Variants in PDE4D observed in about 807,000 individuals in gnomAD.
PDE4D encodes the protein 3',5'-cyclic-AMP phosphodiesterase 4D.
PDE4D carries 24 observed loss-of-function variants against 87.4 expected under a neutral mutation model. The ratio of observed to expected loss-of-function variants is 0.27; its 90% CI spans 0.20 to 0.39. The LOEUF (loss-of-function observed/expected upper bound fraction) is 0.39, where lower values mean the gene tolerates loss of function less well. Among genes scored for constraint, PDE4D ranks in the 10% least tolerant of loss-of-function variants. The pLI is 1.00. For synonymous variants in PDE4D, 384 were observed against 383.2 expected (o/e 1.00, Z -0.02); for missense variants, 714 against 1,041.0 (o/e 0.69, Z 4.32).
At chr5:59,129,542 T>C (rs1775972621) in intron 5 of PDE4D, among the ~76,000 whole-genome samples, 1 of 152,236 alleles carries the variant, frequency 6.6e-6, no homozygotes, top group Admixed American at 6.5e-5. Flanking sequence ...GTTTGTAACA[T>C]TGCTTGCTAA....
intron 1 of PDE4D, among the ~76,000 whole-genome samples, chr5:59,642,539 C>T (rs1741769240): frequency 6.6e-6 from 1 of 152,178 alleles, no homozygotes; most frequent in African/African-American, 2.4e-5. Flanking sequence ...CTCACAAGAT[C>T]TGATGGTTTT....
At chr5:59,367,427 A>T (rs1783240921) in intron 1 of PDE4D, among the ~76,000 whole-genome samples, 1 of 152,228 alleles carries the variant, frequency 6.6e-6, no homozygotes, top group Admixed American at 6.5e-5. Flanking sequence ...CAATAAATAA[A>T]GATGACTTTT....
chr5:60,460,480 A>C, intron 1 of PDE4D: 1 of 1,532,974 alleles, frequency 6.5e-7, no homozygotes, highest in East Asian at 2.3e-5. Context: ...TTTGGCGATC[A>C]ATTCTGACAT....
chr5:59,274,710 G>A (rs537246791), intron 1 of PDE4D, among the ~76,000 whole-genome samples: 2 of 152,080 alleles, frequency 1.3e-5, no homozygotes, highest in South Asian at 4.1e-4. Context: ...AATCACCATT[G>A]GGGAAATAAT....
At position 59,893,374 on chromosome 5, in the gene PDE4D, C is replaced by T; in HGVS notation, c.249G>A (p.Pro83=). Reference sequence around the variant, plus strand: ...GGGCAGCCCCGGGCGGCGGCGGGGGCGGCGGCAGGGGGGGCGGCGGCGGCG... The same window carrying T: ...GGGCAGCCCCGGGCGGCGGCGGGGGTGGCGGCAGGGGGGGCGGCGGCGGCG... ...LQPPPPPPLP[P]PPPPPGAARG... is the part of the protein sequence containing the mutation. The change falls in exon 1 of 15, where the codon CCG becomes CCA. Residue 83 remains proline (P), a synonymous_variant. Transcript: ENST00000340635. 1 of 1,244,676 alleles carries T rather than the reference C, an allele frequency of 8.0e-7. No individual in the cohort carries two copies. Among genetic ancestry groups the T allele is most frequent in the Non-Finnish European group, 1.0e-6 (1 of 995,846 alleles). The allele number at this position is 1,244,676 out of a possible 1,614,324, so 77.1% of individuals were successfully genotyped here.
At chr5:59,441,642 C>T (rs1194528372) in intron 1 of PDE4D, among the ~76,000 whole-genome samples, 1 of 152,186 alleles carries the variant, frequency 6.6e-6, no homozygotes, top group Non-Finnish European at 1.5e-5. Flanking sequence ...CACAGAATGT[C>T]AGTCAGCTTA....
At chr5:59,010,591 C>G (rs149895107) in intron 6 of PDE4D, among the ~76,000 whole-genome samples, 397 of 152,072 alleles carry the variant, frequency 2.6e-3, no homozygotes, top group African/African-American at 8.7e-3. Context: ...CATCGAATAG[C>G]GAATGAGTAT....
At chr5:60,265,761 G>T (rs574187770) in intron 1 of PDE4D, among the ~76,000 whole-genome samples, 1 of 152,184 alleles carries the variant, frequency 6.6e-6, no homozygotes, top group African/African-American at 2.4e-5. Context: ...TTAACACCTT[G>T]CTCCTTCAAA....
At chr5:59,250,901 G>A (rs373876094) in intron 1 of PDE4D, among the ~76,000 whole-genome samples, 19 of 152,112 alleles carry the variant, frequency 1.2e-4, no homozygotes, top group African/African-American at 2.9e-4. Flanking sequence ...TCTGATCTTC[G>A]ACAAAGCTAA....
intron 2 of PDE4D, among the ~76,000 whole-genome samples, chr5:59,207,658 G>A (rs1749103017): frequency 1.3e-5 from 2 of 151,194 alleles, no homozygotes; most frequent in Non-Finnish European, 1.5e-5. Flanking sequence ...TCATAGGATT[G>A]TGGAATAATT....
At chr5:59,749,134 T>C (rs879818026) in intron 1 of PDE4D, among the ~76,000 whole-genome samples, 21 of 152,254 alleles carry the variant, frequency 1.4e-4, no homozygotes, top group Admixed American at 7.9e-4. Flanking sequence ...TCATCACTAC[T>C]CTACTGATCG....
chr5:59,182,254 AT>A (rs3061467), intron 4 of PDE4D, among the ~76,000 whole-genome samples: 53,653 of 147,726 alleles, frequency 0.36, 10,017 homozygotes, highest in Admixed American at 0.43. Context: ...TTCTTCTTAA[AT>A]TTTTTTTTTT....
At chr5:59,526,194 T>C (rs1813094868) in intron 1 of PDE4D, among the ~76,000 whole-genome samples, 3 of 151,968 alleles carry the variant, frequency 2.0e-5, no homozygotes. Context: ...CCACAGAGCT[T>C]AGAAAAAGTA....
intron 1 of PDE4D, among the ~76,000 whole-genome samples, chr5:60,189,608 G>T (rs146747860): frequency 6.6e-6 from 1 of 152,146 alleles, no homozygotes; most frequent in Non-Finnish European, 1.5e-5. Flanking sequence ...AGTGAAAAGG[G>T]ATTCCAATCA....
At chr5:59,784,927 C>G (rs1765011133) in intron 1 of PDE4D, among the ~76,000 whole-genome samples, 1 of 152,170 alleles carries the variant, frequency 6.6e-6, no homozygotes, top group Admixed American at 6.5e-5. Flanking sequence ...CATTTTCTCT[C>G]ATGTCTGCCA....
At chr5:60,029,970 A>T (rs941137747) in intron 2 of PDE4D, among the ~76,000 whole-genome samples, 1 of 152,188 alleles carries the variant, frequency 6.6e-6, no homozygotes, top group Admixed American at 6.5e-5. Flanking sequence ...AAAATCCCCA[A>T]TTAACCCAGG....
At chr5:59,036,432 C>T (rs1225945493) in intron 6 of PDE4D, among the ~76,000 whole-genome samples, 3 of 152,200 alleles carry the variant, frequency 2.0e-5, no homozygotes, top group Non-Finnish European at 4.4e-5. Context: ...CTGACTCATT[C>T]ATTCATACTC....
intron 5 of PDE4D, among the ~76,000 whole-genome samples, chr5:59,127,600 T>TC (rs1170462233): frequency 1.0e-5 from 1 of 96,992 alleles, no homozygotes; most frequent in African/African-American, 4.0e-5. Flanking sequence ...CTTCTTTCCC[T>TC]CCCCACCCCC....
intron 1 of PDE4D, among the ~76,000 whole-genome samples, chr5:59,408,470 G>A (rs1350895353): frequency 6.6e-6 from 1 of 152,230 alleles, no homozygotes; most frequent in African/African-American, 2.4e-5. Context: ...TACTAAGGTA[G>A]TGCAGAAGGG....
Sources: allele counts gnomAD v4.1 joint callset (sites outside exome capture counted in the v4.1 genomes callset), GRCh38; gene constraint gnomAD v4.1.1; transcripts MANE v1.5; gene names NCBI Gene and HGNC (gene_info 2026-07-23, HGNC 2026-07-21).